PDZRN3: variants seen among roughly 807,000 people sequenced by gnomAD.
PDZRN3 encodes the protein E3 ubiquitin-protein ligase PDZRN3.
PDZRN3 carries 38 observed loss-of-function variants against 85.7 expected under a neutral mutation model. The ratio of observed to expected loss-of-function variants is 0.44; its 90% CI spans 0.34 to 0.58. PDZRN3 has a LOEUF of 0.58. Among genes scored for constraint, PDZRN3 ranks in the 20% least tolerant of loss-of-function variants. The pLI is 0.01. For missense variants in PDZRN3, 1,629 were observed against 1,506.4 expected, an observed-to-expected ratio of 1.08 and a Z score of -1.35; for synonymous variants, 759 against 638.0, an observed-to-expected ratio of 1.19 and a Z score of -2.86.
In PDZRN3 at chr3:73,407,337, T is replaced by C. The variant is rs1201019195; in HGVS notation, c.919-2942A>G. ...AGAGGCCAGCTTAACACACTGAGGA[T>C]GGCAGAGTAGAAAAATGAGAGAATT... On this transcript the variant is annotated intron_variant, in intron 3 of 9. Transcript: ENST00000263666. 3.9e-5 allele frequency among the ~76,000 whole-genome samples: 6 copies of C among 152,280 alleles called. No homozygotes were observed. The East Asian group carries it at 9.7e-4, about 25-fold the overall frequency.
intron 3 of PDZRN3, among the ~76,000 whole-genome samples, chr3:73,426,143 G>T (rs1197369113): frequency 6.6e-6 from 1 of 152,020 alleles, no homozygotes; most frequent in Admixed American, 6.6e-5. Flanking sequence ...GTGATTCAGA[G>T]AAAGAATATG....
intron 3 of PDZRN3, among the ~76,000 whole-genome samples, chr3:73,481,887 C>CA (rs1703568387): frequency 6.6e-6 from 1 of 152,134 alleles, no homozygotes. Context: ...CCTTCCCTTC[C>CA]AAAAAACAGA....
At chr3:73,613,062 GA>G (rs1702708579) in intron 1 of PDZRN3, among the ~76,000 whole-genome samples, 1 of 152,234 alleles carries the variant, frequency 6.6e-6, no homozygotes, top group South Asian at 2.1e-4. Context: ...AGCAAGTTTG[GA>G]AGAGCTGGGG....
intron 3 of PDZRN3, among the ~76,000 whole-genome samples, chr3:73,519,174 G>A (rs77662914): frequency 0.019 from 2,951 of 152,256 alleles, 75 homozygotes; most frequent in East Asian, 0.13. Flanking sequence ...CTGGCTGATG[G>A]AGTCCCTTGG....
At chr3:73,404,801 T>C (rs554422377) in intron 3 of PDZRN3, among the ~76,000 whole-genome samples, 2 of 152,380 alleles carry the variant, frequency 1.3e-5, no homozygotes, top group East Asian at 3.9e-4. Context: ...TGTCAGATGA[T>C]ACCAGTCTTC....
rs141774740 is a variant in PDZRN3 at position 73,383,941 on chromosome 3, C to G, written c.2625G>C (p.Ala875=). 1.9e-6 allele frequency: 3 copies of G among 1,604,864 alleles called. No individual in the cohort carries two copies. Among genetic ancestry groups the G allele is most frequent in the Non-Finnish European group, 2.6e-6 (3 of 1,175,972 alleles). The part of the protein sequence containing the change: ...HSPYKHAHIP[A]HAQHYQSYMQ... ...TGTAGCTCTGGTAGTGCTGGGCGTG[C>G]GCCGGGATGTGCGCGTGCTTGTATG... The change falls in exon 10 of 10, where the codon GCG becomes GCC. Residue 875 remains alanine (A), a synonymous_variant. Coordinates refer to ENST00000263666, the MANE Select transcript of PDZRN3 (RefSeq NM_015009.3).
intron 3 of PDZRN3, among the ~76,000 whole-genome samples, chr3:73,536,876 T>C (rs6650911): frequency 2.6e-4 from 40 of 152,290 alleles, no homozygotes; most frequent in African/African-American, 9.4e-4. Flanking sequence ...AATCCCTCTG[T>C]TTGCAGAGAA....
At chr3:73,528,407 G>A (rs1255097846) in intron 3 of PDZRN3, among the ~76,000 whole-genome samples, 1 of 152,118 alleles carries the variant, frequency 6.6e-6, no homozygotes, top group African/African-American at 2.4e-5. Context: ...GACAAATCAC[G>A]CAATATACAG....
intron 3 of PDZRN3, among the ~76,000 whole-genome samples, chr3:73,547,332 A>C (rs1701449714): frequency 2.6e-5 from 4 of 152,234 alleles, no homozygotes; most frequent in Admixed American, 2.6e-4. Context: ...AACACTCAAA[A>C]GTATCATTAA....
At chr3:73,388,958 AG>A (rs1701460401) in intron 7 of PDZRN3, among the ~76,000 whole-genome samples, 1 of 141,412 alleles carries the variant, frequency 7.1e-6, no homozygotes, top group Non-Finnish European at 1.5e-5. Flanking sequence ...AAAAAAAAAG[AG>A]GCAGTATGCT....
rs1250436243 is a variant in PDZRN3, at chr3:73,382,813, G to A, written c.*552C>T. On this transcript the variant is annotated 3_prime_UTR_variant, in exon 10 of 10. Transcript: ENST00000263666. ...TTAAATGTATATCCCAACTCTAAAC[G>A]CTGCCGGTTTGGTTATATGTATTAA... is the stretch of plus-strand genomic sequence containing the variant. The A allele has an allele frequency of 6.5e-6, 1 of 153,040 alleles. No individual in the cohort carries two copies. Among genetic ancestry groups the A allele is most frequent in the African/African-American group, 2.4e-5 (1 of 41,442 alleles). 9.5% of individuals were successfully genotyped at this position (153,040 alleles called of 1,614,324 possible). A position where few individuals can be genotyped will look rare whatever the true frequency, so the allele number is the denominator to read the frequency against.
At chr3:73,561,911 T>A (rs918552855) in intron 3 of PDZRN3, among the ~76,000 whole-genome samples, 10 of 150,660 alleles carry the variant, frequency 6.6e-5, no homozygotes, top group African/African-American at 2.5e-4. Flanking sequence ...GAAACCCAAG[T>A]CATTTTTTTT....
intron 3 of PDZRN3, among the ~76,000 whole-genome samples, chr3:73,586,617 C>A (rs971414020): frequency 6.6e-6 from 1 of 152,036 alleles, no homozygotes; most frequent in Non-Finnish European, 1.5e-5. Flanking sequence ...GACACTTCAC[C>A]GGGGGGGTCT....
intron 3 of PDZRN3, among the ~76,000 whole-genome samples, chr3:73,473,329 A>C (rs746314254): frequency 6.6e-6 from 1 of 152,072 alleles, no homozygotes; most frequent in Non-Finnish European, 1.5e-5. Context: ...ACATCCTTCC[A>C]TGTCCTGGCA....
chr3:73,612,333 T>C (rs1702697420), intron 1 of PDZRN3, among the ~76,000 whole-genome samples: 1 of 152,190 alleles, frequency 6.6e-6, no homozygotes, highest in African/African-American at 2.4e-5. Context: ...ACGATCTTTG[T>C]ACTGTGCTGG....
intron 3 of PDZRN3, among the ~76,000 whole-genome samples, chr3:73,575,736 T>C (rs1418694861): frequency 6.6e-6 from 1 of 152,222 alleles, no homozygotes; most frequent in Non-Finnish European, 1.5e-5. Context: ...GATGACGGAA[T>C]GGGAACAGGT....
intron 3 of PDZRN3, among the ~76,000 whole-genome samples, chr3:73,413,278 A>G (rs1374719820): frequency 6.6e-6 from 1 of 152,172 alleles, no homozygotes; most frequent in African/African-American, 2.4e-5. Flanking sequence ...GGGCTCCTAA[A>G]AAGTCCAGCT....
intron 3 of PDZRN3, among the ~76,000 whole-genome samples, chr3:73,584,455 GTGTGTGTGTGTGTGTGTGTGT>G: frequency 2.1e-5 from 1 of 47,954 alleles, no homozygotes; most frequent in African/African-American, 7.5e-5. Context: ...ATTTAATGGT[GTGTGTGTGTGTGTGTGTGTGT>G]GTGTGTGTGT....
intron 3 of PDZRN3, among the ~76,000 whole-genome samples, chr3:73,483,731 G>A (rs1703610967): frequency 6.6e-6 from 1 of 152,322 alleles, no homozygotes; most frequent in African/African-American, 2.4e-5. Flanking sequence ...AGCCCAGAAG[G>A]AGGAGACAGT....
Sources: allele counts gnomAD v4.1 joint callset (sites outside exome capture counted in the v4.1 genomes callset), GRCh38; gene constraint gnomAD v4.1.1; transcripts MANE v1.5; gene names NCBI Gene and HGNC (gene_info 2026-07-23, HGNC 2026-07-21).